Variants in FBN3 observed in about 807,000 individuals in gnomAD.
FBN3 encodes the protein fibrillin 3.
A neutral mutation model predicts 330.1 loss-of-function variants in FBN3; 234 were observed. The observed-to-expected ratio is 0.71, with a 90% CI of 0.64 to 0.79. The LOEUF (loss-of-function observed/expected upper bound fraction) is 0.79, where lower values mean the gene tolerates loss of function less well. Ranked by LOEUF, FBN3 falls within the 30% of genes least tolerant of loss-of-function variation. The probability of loss-of-function intolerance (pLI) is 0.00; values close to 1 mark genes in which losing one functional copy is unlikely to be tolerated. For missense variants in FBN3, 3,606 were observed against 3,886.9 expected (o/e 0.93, Z 1.92); for synonymous variants, 1,458 against 1,517.3 (o/e 0.96, Z 0.91).
At chr19:8,137,609 CTTATTTAT>C (rs3075768) in intron 10 of FBN3, among the ~76,000 whole-genome samples, 49 of 146,516 alleles carry the variant, frequency 3.3e-4, no homozygotes, top group African/African-American at 9.9e-4. Flanking sequence ...CGAACTCTGA[CTTATTTAT>C]TTATTTATTT....
At chr19:8,117,673 A>T in intron 26 of FBN3, 84 bp from the exon 27 acceptor site, 1 of 1,434,390 alleles carries the variant, frequency 7.0e-7, no homozygotes, top group South Asian at 1.4e-5. Flanking sequence ...GCACACATGC[A>T]TGCTAAGGAG....
intron 51 of FBN3, among the ~76,000 whole-genome samples, chr19:8,089,255 G>A (rs1483823973): frequency 2.0e-5 from 3 of 152,178 alleles, no homozygotes; most frequent in Non-Finnish European, 4.4e-5. Flanking sequence ...ATGAGTGAAT[G>A]AATGAGAAAA....
At chr19:8,132,879 T>A in intron 14 of FBN3, 105 bp downstream of exon 14, 1 of 1,279,124 alleles carries the variant, frequency 7.8e-7, no homozygotes, top group Non-Finnish European at 1.0e-6. Context: ...TCTCCTTCTC[T>A]CATGCTCGTC....
At chr19:8,120,647 T>TA (rs1435431286) in intron 25 of FBN3, among the ~76,000 whole-genome samples, 1 of 151,980 alleles carries the variant, frequency 6.6e-6, no homozygotes, top group African/African-American at 2.4e-5. Context: ...AGCTAATTTT[T>TA]AAAAAACTTT....
chr19:8,147,623 A>G, intron 1 of FBN3, 126 bp from the exon 2 acceptor site: 1 of 745,768 alleles, frequency 1.3e-6, no homozygotes, highest in Non-Finnish European at 2.0e-6. Context: ...GAGCCCAAGG[A>G]GGCATCCAGC....
At position 8,097,311 on chromosome 19, in the gene FBN3, G is replaced by A. The variant is rs146083650; in HGVS notation, c.5265C>T (p.Asn1755=). 41 of 1,609,480 alleles carry A rather than the reference G, an allele frequency of 2.5e-5. No homozygotes were observed. In the Middle Eastern group the frequency reaches 6.6e-4, roughly 26 times the overall value. Residue 1755 remains asparagine (N), a synonymous_variant, in exon 42 of 64, where the codon AAC becomes AAT. Coordinates refer to ENST00000600128, the MANE Select transcript of FBN3 (RefSeq NM_032447.5). The part of the protein sequence containing the change: ...RCECPAGFNY[N]SILLACEDVD... ...CACCTTCACAAGCCAGCAGGATGCT[G>A]TTGTAGTTGAAGCCTGCGGGGCACT...
chr19:8,076,135 CT>C (rs2081633597), intron 59 of FBN3, among the ~76,000 whole-genome samples: 2 of 152,088 alleles, frequency 1.3e-5, no homozygotes, highest in South Asian at 4.1e-4. Flanking sequence ...GAAGAGAGCC[CT>C]CACAGAACCA....
intron 18 of FBN3, 144 bp downstream of exon 18, chr19:8,128,884 C>T: frequency 1.0e-6 from 1 of 977,448 alleles, no homozygotes; most frequent in Non-Finnish European, 1.5e-6. Context: ...TGTGTGTGCA[C>T]ACTACATATA....
Position 8,110,943 on chromosome 19 carries a change from T to C in FBN3, c.4235A>G (p.Asn1412Ser). The change falls in exon 34 of 64, where the codon AAC (asparagine) becomes AGC (serine). Residue 1412 changes from asparagine to serine, a missense_variant. Coordinates refer to ENST00000600128, the MANE Select transcript of FBN3 (RefSeq NM_032447.5). ...CQDVDECAQG[N>S]LCAFGSCENL... is the part of the protein sequence containing the mutation. ...CTCACAGCTCCCAAATGCACAGAGGTTCCCTTGCGCACACTCGTCCACATC... is the reference window on the plus strand; with the variant it reads ...CTCACAGCTCCCAAATGCACAGAGGCTCCCTTGCGCACACTCGTCCACATC... 6.2e-7 allele frequency: 1 copy of C among 1,614,076 alleles called. No individual in the cohort carries two copies. Among genetic ancestry groups the C allele is most frequent in the African/African-American group, 1.3e-5 (1 of 75,014 alleles).
intron 3 of FBN3, 75 bp from the exon 4 acceptor site, chr19:8,146,300 T>A: frequency 8.0e-7 from 1 of 1,254,458 alleles, no homozygotes; most frequent in Non-Finnish European, 1.1e-6. Context: ...GTGTCCGGGC[T>A]GGCCGGAACA....
At position 8,080,616 on chromosome 19, in the gene FBN3, T is replaced by C. The variant is rs146565045; in HGVS notation, c.7453+387A>G. On this transcript the variant is annotated intron_variant, in intron 59 of 63. Transcript: ENST00000600128. Reference sequence around the variant, plus strand: ...TCCCCAATGTCCAATACACACCGGGTGCTTGATACTATTTTTTTTGAGACA... The same window carrying C: ...TCCCCAATGTCCAATACACACCGGGCGCTTGATACTATTTTTTTTGAGACA... 5.3e-3 allele frequency among the ~76,000 whole-genome samples: 807 copies of C among 152,220 alleles called. 11 individuals carry two copies. The highest frequency in any genetic ancestry group is 0.019 in the African/African-American group (779 of 41,532).
Position 8,066,011 on chromosome 19 carries a change from G to A in FBN3, c.8338C>T (p.His2780Tyr), listed in dbSNP as rs546630879. 2 of 1,613,010 alleles carry A rather than the reference G, an allele frequency of 1.2e-6. No homozygotes were observed. Among genetic ancestry groups the A allele is most frequent in the African/African-American group, 2.7e-5 (2 of 75,084 alleles). Residue 2780 changes from histidine (H) to tyrosine (Y), a missense_variant, in exon 64 of 64, where the codon CAC (histidine) becomes TAC (tyrosine). By Grantham distance (83) the His-to-Tyr change is moderately conservative. Transcript: ENST00000600128. ...TGGACACCCCAGGGTCCTGCCATGT[G>A]GCTCACCACCTCCAGCCGGTAGGTT... is the stretch of plus-strand genomic sequence containing the variant. Reference protein sequence around the residue: ...PGTYRLEVVSHMAGPWGVQPE... With the variant: ...PGTYRLEVVSYMAGPWGVQPE...
intron 10 of FBN3, 27 bp downstream of exon 10, chr19:8,138,114 A>G: frequency 6.4e-7 from 1 of 1,572,240 alleles, no homozygotes; most frequent in Non-Finnish European, 8.6e-7. Context: ...AAGTCTTGGA[A>G]TGTTCCTCCC....
At position 8,074,866 on chromosome 19, in the gene FBN3, G is replaced by A. The variant is rs2081602824; in HGVS notation, c.7702+205C>T. 5.2e-6 allele frequency: 3 copies of A among 581,092 alleles called. No individual in the cohort carries two copies. The South Asian group carries it at 9.0e-5, about 17-fold the overall frequency. The allele number at this position is 581,092 out of a possible 1,614,324, so 36.0% of individuals were successfully genotyped here. A position where few individuals can be genotyped will look rare whatever the true frequency, so the allele number is the denominator to read the frequency against. On this transcript the variant is annotated intron_variant, in intron 61 of 63. Coordinates refer to ENST00000600128, the MANE Select transcript of FBN3 (RefSeq NM_032447.5). ...AGTCCTCCAGGCCACCATGCCCTAAGGAATGAACTCAGACACTTTTTGATG... is the reference window on the plus strand; with the variant it reads ...AGTCCTCCAGGCCACCATGCCCTAAAGAATGAACTCAGACACTTTTTGATG...
intron 30 of FBN3, among the ~76,000 whole-genome samples, chr19:8,112,681 T>C (rs1353563084): frequency 6.6e-6 from 1 of 152,028 alleles, no homozygotes; most frequent in Admixed American, 6.6e-5. Context: ...AATAAAAAAG[T>C]GACTGTCCGT....
intron 59 of FBN3, among the ~76,000 whole-genome samples, chr19:8,080,796 A>G (rs1386306250): frequency 6.6e-6 from 1 of 151,762 alleles, no homozygotes; most frequent in Non-Finnish European, 1.5e-5. Context: ...ATTTTTTTGT[A>G]TTTTTAGTAG....
chr19:8,138,525 C>A lies in FBN3; in HGVS notation c.905G>T (p.Gly302Val), dbSNP rs779508457. Reference sequence around the variant, plus strand: ...GCCGGCGAGGTCTCCAGCACAGCGGCCCCCGAAAAGCACTGAGAAGCAGGC... The same window carrying A: ...GCCGGCGAGGTCTCCAGCACAGCGGACCCCGAAAAGCACTGAGAAGCAGGC... ...AGACFSVLFG[G>V]RCAGDLAGHY... is the part of the protein sequence containing the mutation. The change falls in exon 9 of 64, where the codon GGC becomes GTC. Residue 302 changes from glycine to valine, a missense_variant. Physicochemically the swap from Gly to Val is moderately radical, Grantham distance 109. Transcript: ENST00000600128. The A allele has an allele frequency of 3.1e-6, 5 of 1,612,282 alleles. No homozygotes were observed. Among genetic ancestry groups the A allele is most frequent in the Non-Finnish European group, 4.2e-6 (5 of 1,179,886 alleles).
Position 8,138,438 on chromosome 19 carries a change from G to T in FBN3, c.992C>A (p.Pro331His). ...RGRCWAAGPV[P>H]ELCPPRGSNE... ...GGAGCCCCGAGGAGGACACAGCTCA[G>T]GGACCGGGCCAGCTGCCCAGCACCT... is the stretch of plus-strand genomic sequence containing the variant. Residue 331 changes from proline (P) to histidine (H), a missense_variant, in exon 9 of 64, where the codon CCT becomes CAT. By Grantham distance (77) the Pro-to-His change is moderately conservative (BLOSUM62 -2). Transcript: ENST00000600128. The T allele has an allele frequency of 6.2e-7, 1 of 1,612,926 alleles. No individual in the cohort carries two copies. The highest frequency in any genetic ancestry group is 8.5e-7 in the Non-Finnish European group (1 of 1,179,636).
rs1175386448 is a variant in FBN3 at position 8,111,194 on chromosome 19, C to A, written c.4085-11G>T. ...CACATTCATCCCTGTCTGAGGGGCCCCAAGATTCGGAGGGCTGGAGGCCGG... is the reference window on the plus strand; with the variant it reads ...CACATTCATCCCTGTCTGAGGGGCCACAAGATTCGGAGGGCTGGAGGCCGG... On this transcript the variant is annotated splice_polypyrimidine_tract_variant and intron_variant, in intron 32 of 63. Coordinates refer to ENST00000600128, the MANE Select transcript of FBN3 (RefSeq NM_032447.5). The A allele has an allele frequency of 5.7e-6, 9 of 1,581,626 alleles. No homozygotes were observed. The highest frequency in any genetic ancestry group is 2.2e-5 in the East Asian group (1 of 44,618).
Sources: gnomAD v4.1 joint callset for allele counts (sites outside exome capture counted in the v4.1 genomes callset) on GRCh38, gnomAD v4.1.1 for gene constraint, MANE v1.5 for transcripts, NCBI Gene and HGNC (gene_info 2026-07-23, HGNC 2026-07-21) for gene names.